PRC1: variants seen among roughly 807,000 people sequenced by gnomAD.
PRC1 encodes protein regulator of cytokinesis 1, also known as anaphase spindle elongation 1 homolog.
PRC1 carries 54 observed loss-of-function variants against 91.2 expected under a neutral mutation model. The ratio of observed to expected loss-of-function variants is 0.59; its 90% CI spans 0.48 to 0.74. The LOEUF (loss-of-function observed/expected upper bound fraction) is 0.74. Among genes scored for constraint, PRC1 ranks in the 30% least tolerant of loss-of-function variants. PRC1 has a pLI of 0.00. For synonymous variants in PRC1, 275 were observed against 263.6 expected (o/e 1.04, Z -0.42); for missense variants, 727 against 746.2 (o/e 0.97, Z 0.30).
Position 90,974,732 on chromosome 15 carries a change from C to T in PRC1, c.1204-1G>A. ...TTCGTGCCTTCAACTCTTCTTCCAG[C>T]TGAGACCAGAAACAAGGACATGTTA... On this transcript the variant is annotated splice_acceptor_variant, in intron 9 of 14. Coordinates refer to ENST00000394249, the MANE Select transcript of PRC1 (RefSeq NM_003981.4). LOFTEE classifies it high-confidence loss of function. This position sits in a 1 kb window ranked among gnomAD's most constrained non-coding sequence, Gnocchi z 4.6. 1 of 1,614,196 alleles carries T rather than the reference C, an allele frequency of 6.2e-7. No homozygotes were observed. Among genetic ancestry groups the T allele is most frequent in the Non-Finnish European group, 8.5e-7 (1 of 1,180,022 alleles).
chr15:90,981,041 A>T lies in PRC1; in HGVS notation c.673-8T>A. 1 of 1,613,994 alleles carries T rather than the reference A, an allele frequency of 6.2e-7. No homozygotes were observed. ...TGATTTCTGCATTTCCAGCTACAGC[A>T]TAGAAAGCCAGTGTCACTCACGGCA... On this transcript the variant is annotated splice_region_variant and splice_polypyrimidine_tract_variant and intron_variant, in intron 5 of 14. Transcript: ENST00000394249.
At position 90,967,202 on chromosome 15, in the gene PRC1, G is replaced by C; in HGVS notation, c.1792C>G (p.Arg598Gly). The part of the protein sequence containing the change: ...LSDSSTVGLQ[R>G]ELSKASKSDA... ...GATTTGGAAGCCTTTGAAAGTTCTC[G>C]CTGTTGAAAAATAAATAACATCAGT... Residue 598 changes from arginine (R) to glycine (G), a missense_variant and splice_region_variant, in exon 15 of 15, where the codon CGA becomes GGA. Physicochemically the swap from Arg to Gly is moderately radical, Grantham distance 125 (BLOSUM62 -2). Transcript: ENST00000394249. The C allele has an allele frequency of 6.2e-7, 1 of 1,613,026 alleles. No homozygotes were observed. The highest frequency in any genetic ancestry group is 8.5e-7 in the Non-Finnish European group (1 of 1,179,012).
chr15:90,990,192 TG>T (rs1232414691), intron 1 of PRC1, among the ~76,000 whole-genome samples: 1 of 151,478 alleles, frequency 6.6e-6, no homozygotes, highest in Non-Finnish European at 1.5e-5. Flanking sequence ...AAAAATTAGC[TG>T]GGTGTGGTGG....
At chr15:90,986,482 G>A (rs996853433) in intron 1 of PRC1, among the ~76,000 whole-genome samples, 8 of 152,128 alleles carry the variant, frequency 5.3e-5, no homozygotes, top group Admixed American at 4.6e-4. Flanking sequence ...AAATTAGCTG[G>A]GTGTGGTGGT....
intron 5 of PRC1, 134 bp from the exon 6 acceptor site, chr15:90,981,167 G>A: frequency 8.3e-7 from 1 of 1,201,592 alleles, no homozygotes; most frequent in Non-Finnish European, 1.2e-6. Flanking sequence ...ATGTTTTCAT[G>A]CCTCCTAAAC....
intron 1 of PRC1, among the ~76,000 whole-genome samples, chr15:90,991,157 T>C (rs1010864461): frequency 6.6e-6 from 1 of 151,494 alleles, no homozygotes; most frequent in African/African-American, 2.4e-5. Flanking sequence ...GTGGCTCGTG[T>C]GCAATCCCAG....
At chr15:90,988,267 C>T (rs2039724523) in intron 1 of PRC1, 1 of 152,166 alleles carries the variant, frequency 6.6e-6, no homozygotes, top group African/African-American at 2.4e-5. Flanking sequence ...GGCCAATATT[C>T]GATCTGGATG....
rs12898311 is a variant in PRC1 at position 90,974,550 on chromosome 15, G to C, written c.1350+35C>G. 639,594 of 1,609,914 alleles carry C rather than the reference G, an allele frequency of 0.4. 155,674 individuals are homozygous for C. Among genetic ancestry groups the C allele is most frequent in the East Asian group, 1 (44,670 of 44,842 alleles). On this transcript the variant is annotated intron_variant, in intron 10 of 14. Coordinates refer to ENST00000394249, the MANE Select transcript of PRC1 (RefSeq NM_003981.4). This position sits in a 1 kb window ranked among gnomAD's most constrained non-coding sequence, Gnocchi z 4.6. ...ATGGGCTGCTCAGATTACTTTCTTC[G>C]TCTTTTCCCAATTTGCGTTCACGTT...
intron 14 of PRC1, chr15:90,968,728 A>G (rs976784962): frequency 8.8e-7 from 1 of 1,133,198 alleles, no homozygotes; most frequent in Non-Finnish European, 1.1e-6. Flanking sequence ...CATTGTAGGC[A>G]GCACACAGCT....
Position 90,984,013 on chromosome 15 carries a change from C to T in PRC1, c.267+5G>A, listed in dbSNP as rs377429638. ...TCACCAGAGACCCTGTGGGCTGCCA[C>T]GGACCTGAAATGGCTCAACATGTAA... On this transcript the variant is annotated splice_donor_5th_base_variant and intron_variant, in intron 3 of 14. Transcript: ENST00000394249. This position sits in a 1 kb window ranked among gnomAD's most constrained non-coding sequence, Gnocchi z 5.1. The T allele has an allele frequency of 5.6e-6, 9 of 1,613,650 alleles. No individual in the cohort carries two copies. The highest frequency in any genetic ancestry group is 1.3e-5 in the African/African-American group (1 of 74,930).
intron 14 of PRC1, chr15:90,967,950 T>C: frequency 2.0e-6 from 2 of 985,378 alleles, no homozygotes; most frequent in Non-Finnish European, 2.4e-6. Context: ...TCCCTGGGGC[T>C]GAGGCCTTGT....
rs1048239756 is a variant in PRC1 at position 90,984,800 on chromosome 15, C to G, written c.37G>C (p.Val13Leu). ...RSEVLAEESI[V>L]CLQKALNHLR... is the part of the protein sequence containing the mutation. ...TGATTTAGGGCTTTCTGCAGACATACTATGGACTCCTCCGCCAGCACCTCA... is the reference window on the plus strand; with the variant it reads ...TGATTTAGGGCTTTCTGCAGACATAGTATGGACTCCTCCGCCAGCACCTCA... The change falls in exon 2 of 15, where the codon GTA becomes CTA. Residue 13 changes from valine (V) to leucine (L), a missense_variant. By Grantham distance (32) the Val-to-Leu change is conservative. Transcript: ENST00000394249. The surrounding 1 kb of genome is among the most constrained non-coding windows in gnomAD (Gnocchi z 5.1). 15 of 1,614,066 alleles carry G rather than the reference C, an allele frequency of 9.3e-6. No individual in the cohort carries two copies. In the East Asian group the frequency reaches 3.3e-4, roughly 36 times the overall value.
chr15:90,984,042 G>A lies in PRC1; in HGVS notation c.243C>T (p.Ser81=), dbSNP rs191367880. Residue 81 remains serine (S), a synonymous_variant, in exon 3 of 15, where the codon AGC becomes AGT. Transcript: ENST00000394249. This position sits in a 1 kb window ranked among gnomAD's most constrained non-coding sequence, Gnocchi z 5.1. ...VCQKELNTLC[S]ELHVEPFQEE... is the part of the protein sequence containing the mutation. Reference sequence around the variant, plus strand: ...CCTGAAATGGCTCAACATGTAACTCGCTGCACAGAGTGTTCAGCTCTTTCT... The same window carrying A: ...CCTGAAATGGCTCAACATGTAACTCACTGCACAGAGTGTTCAGCTCTTTCT... The A allele has an allele frequency of 6.4e-4, 1,029 of 1,614,036 alleles. 4 individuals are homozygous for A. Among genetic ancestry groups the A allele is most frequent in the East Asian group, 5.8e-3 (261 of 44,874 alleles).
chr15:90,979,182 G>T lies in PRC1; in HGVS notation c.1083C>A (p.Thr361=), dbSNP rs755639807. The change falls in exon 8 of 15, where the codon ACC becomes ACA. Residue 361 remains threonine, a synonymous_variant. Transcript: ENST00000394249. ...LFEGVQKWEE[T]WRLFLEFERK... is the part of the protein sequence containing the mutation. Reference sequence around the variant, plus strand: ...CCTCAAACTCTAAGAAAAGCCTCCAGGTTTCTTCCCACTTCTGGACACCTT... The same window carrying T: ...CCTCAAACTCTAAGAAAAGCCTCCATGTTTCTTCCCACTTCTGGACACCTT... 3.1e-6 allele frequency: 5 copies of T among 1,613,682 alleles called. No homozygotes were observed. In the South Asian group the frequency reaches 3.3e-5, roughly 11 times the overall value.
rs770278643 is a variant in PRC1 at position 90,974,147 on chromosome 15, T to C, written c.1450A>G (p.Lys484Glu). ...AGCCTTGTGTTTACCTTACGTGCTT[T>C]GCCCGGTGTATTGGGAGCCAGTCCT... is the stretch of plus-strand genomic sequence containing the variant. ...RRGLAPNTPG[K>E]ARKLNTTTMS... The change falls in exon 11 of 15, where the codon AAA (lysine) becomes GAA (glutamate). Residue 484 changes from lysine to glutamate, a missense_variant. Lys to Glu is a moderately conservative substitution (Grantham distance 56). Coordinates refer to ENST00000394249, the MANE Select transcript of PRC1 (RefSeq NM_003981.4). The surrounding 1 kb of genome is among the most constrained non-coding windows in gnomAD (Gnocchi z 4.6). 1.9e-6 allele frequency: 3 copies of C among 1,613,896 alleles called. No homozygotes were observed. The highest frequency in any genetic ancestry group is 2.2e-5 in the East Asian group (1 of 44,878).
Position 90,966,950 on chromosome 15 carries a change from C to T in PRC1, c.*181G>A. 2 of 622,234 alleles carry T rather than the reference C, an allele frequency of 3.2e-6. No individual in the cohort carries two copies. The highest frequency in any genetic ancestry group is 2.7e-5 in the East Asian group (1 of 36,454). 38.5% of individuals were successfully genotyped at this position (622,234 alleles called of 1,614,324 possible). ...GTCAAAACCAAGTCTCCTAGGACCA[C>T]TAAACCTATGATGGGCTTTCAACTG... is the stretch of plus-strand genomic sequence containing the variant. On this transcript the variant is annotated 3_prime_UTR_variant, in exon 15 of 15. Transcript: ENST00000394249.
chr15:90,988,870 C>T (rs1053884721), intron 1 of PRC1, among the ~76,000 whole-genome samples: 5 of 152,140 alleles, frequency 3.3e-5, no homozygotes, highest in African/African-American at 9.7e-5. Flanking sequence ...TCCTAACCTA[C>T]CTAACCTAAT....
chr15:90,968,445 G>A (rs911230011), intron 14 of PRC1: 3 of 985,590 alleles, frequency 3.0e-6, no homozygotes, highest in Non-Finnish European at 3.6e-6. Flanking sequence ...CTCTCCTCTT[G>A]CTAGTAAAAT....
intron 1 of PRC1, among the ~76,000 whole-genome samples, chr15:90,992,212 G>A (rs1249382657): frequency 2.0e-5 from 3 of 151,948 alleles, no homozygotes; most frequent in African/African-American, 4.8e-5. Context: ...TACACCTTCA[G>A]TACTTCTTAA....
Sources: gnomAD v4.1 joint callset for allele counts (sites outside exome capture counted in the v4.1 genomes callset) on GRCh38, gnomAD v4.1.1 for gene constraint, Gnocchi (gnomAD v3.1) non-coding constraint, MANE v1.5 for transcripts, NCBI Gene and HGNC (gene_info 2026-07-23, HGNC 2026-07-21) for gene names.